The following PACS2 variants were observed in gnomAD, a reference collection of about 807,000 sequenced individuals.
PACS2 encodes PACS1-like protein.
A neutral mutation model predicts 113.0 loss-of-function variants in PACS2; 36 were observed. The observed-to-expected ratio is 0.32, with a 90% CI of 0.24 to 0.42. The LOEUF is 0.42. Ranked by LOEUF, PACS2 falls within the 10% of genes least tolerant of loss-of-function variation. The pLI is 1.00. For synonymous variants in PACS2, 589 were observed against 536.1 expected (o/e 1.10, Z -1.36); for missense variants, 1,015 against 1,239.5 (o/e 0.82, Z 2.72).
chr14:105,389,892 AGGGAGCTGT>A, intron 19 of PACS2, 60 bp from the exon 20 acceptor site: 1 of 1,408,552 alleles, frequency 7.1e-7, no homozygotes, highest in East Asian at 2.3e-5. Flanking sequence ...TCAGGCCAAG[AGGGAGCTGT>A]GCCCACCAGG....
At chr14:105,362,364 C>A (rs1218490290) in intron 4 of PACS2, among the ~76,000 whole-genome samples, 5 of 147,980 alleles carry the variant, frequency 3.4e-5, no homozygotes, top group African/African-American at 7.6e-5. Context: ...TTGCAGTGAG[C>A]CGAGATCGCG....
rs1367881574 is a variant in PACS2, at chr14:105,354,326, T to C, written c.298-726T>C. Among the ~76,000 whole-genome samples, 9 of 152,022 alleles carry C rather than the reference T, an allele frequency of 5.9e-5. No individual in the cohort carries two copies. The highest frequency in any genetic ancestry group is 2.2e-4 in the African/African-American group (9 of 41,404). On this transcript the variant is annotated intron_variant, in intron 3 of 24. Transcript: ENST00000447393. This position sits in a 1 kb window ranked among gnomAD's most constrained non-coding sequence, Gnocchi z 4.2. ...CATGTTGGCTAGGGTGGTCTCGAAC[T>C]CCCTACCTCAGGTGATCCGCCCAGC...
chr14:105,382,109 T>C, intron 13 of PACS2, 51 bp downstream of exon 13: 1 of 1,516,076 alleles, frequency 6.6e-7, no homozygotes, highest in South Asian at 1.3e-5. Flanking sequence ...GTGGTCACCC[T>C]GGCACCAACC....
upstream of PACS2, among the ~76,000 whole-genome samples, chr14:105,313,058 C>T (rs978724746): frequency 1.3e-5 from 2 of 152,200 alleles, no homozygotes; most frequent in Admixed American, 1.3e-4. Flanking sequence ...AGGGGCACCG[C>T]TCAATGGTGG....
chr14:105,353,341 C>T (rs1479455201), intron 3 of PACS2, among the ~76,000 whole-genome samples: 6 of 123,728 alleles, frequency 4.8e-5, no homozygotes, highest in African/African-American at 1.3e-4. Context: ...CCTGGGGAGA[C>T]GGGCGCCCTC....
In PACS2 at chr14:105,381,100, G is replaced by A; in HGVS notation, c.1268+1G>A. 6.2e-7 allele frequency: 1 copy of A among 1,610,924 alleles called. No individual in the cohort carries two copies. The highest frequency in any genetic ancestry group is 8.5e-7 in the Non-Finnish European group (1 of 1,178,898). On this transcript the variant is annotated splice_donor_variant, in intron 12 of 24. Transcript: ENST00000447393. LOFTEE classifies it high-confidence loss of function. ...AGTCCCTTGTCATCCCCTCCACCAG[G>A]TGATGGGGGCTGCACGGCGGGGCGG...
At chr14:105,364,975 G>C (rs1313085065) in intron 4 of PACS2, among the ~76,000 whole-genome samples, 3 of 152,220 alleles carry the variant, frequency 2.0e-5, no homozygotes, top group Non-Finnish European at 4.4e-5. Context: ...TAGGATTACA[G>C]GCGTGAACCA....
At chr14:105,369,817 G>T in intron 7 of PACS2, 24 bp from the exon 8 acceptor site, 1 of 1,556,526 alleles carries the variant, frequency 6.4e-7, no homozygotes, top group South Asian at 1.2e-5. Flanking sequence ...CGGCGGCTCT[G>T]ACTCTGCACC....
intron 1 of PACS2, among the ~76,000 whole-genome samples, chr14:105,345,465 A>G (rs148603335): frequency 6.6e-6 from 1 of 152,340 alleles, no homozygotes; most frequent in African/African-American, 2.4e-5. Flanking sequence ...CTTTTCTGAC[A>G]TAAGCACTTA....
upstream of PACS2, among the ~76,000 whole-genome samples, chr14:105,310,131 T>A (rs1595525262): frequency 2.0e-5 from 3 of 152,100 alleles, no homozygotes; most frequent in South Asian, 6.2e-4. Flanking sequence ...GTGACAACTG[T>A]CTCACTTATT....
intron 5 of PACS2, among the ~76,000 whole-genome samples, chr14:105,367,714 C>T (rs1414764873): frequency 6.6e-6 from 1 of 152,264 alleles, no homozygotes; most frequent in African/African-American, 2.4e-5. Context: ...CTGCCGCCAC[C>T]CCAGTGGGGT....
rs73357401 is a variant in PACS2 at position 105,317,290 on chromosome 14, C to T, written c.119+2253C>T. 9.5e-3 allele frequency among the ~76,000 whole-genome samples: 1,442 copies of T among 152,186 alleles called. 27 individuals are homozygous for T. The highest frequency in any genetic ancestry group is 0.033 in the African/African-American group (1,375 of 41,510). ...ACAAGCCCCGTGCTGCTGTGGACAT[C>T]GTGTGCCAGTCTTCTGCGTGTGTCT... On this transcript the variant is annotated intron_variant, in intron 1 of 24. Transcript: ENST00000447393. The surrounding 1 kb of genome is among the most constrained non-coding windows in gnomAD (Gnocchi z 4.2).
intron 1 of PACS2, among the ~76,000 whole-genome samples, chr14:105,321,256 G>T (rs191881756): frequency 3.9e-4 from 60 of 152,326 alleles, no homozygotes; most frequent in Admixed American, 1.6e-3. Context: ...GTTTACTGTG[G>T]TCTTCAAGTC....
chr14:105,333,850 G>A (rs957369881), intron 1 of PACS2, among the ~76,000 whole-genome samples: 4 of 152,230 alleles, frequency 2.6e-5, no homozygotes, highest in Non-Finnish European at 5.9e-5. Context: ...TGCAGTGTGA[G>A]GCGTGGCCCA....
chr14:105,345,279 C>T (rs587640742), intron 1 of PACS2, among the ~76,000 whole-genome samples: 129 of 151,802 alleles, frequency 8.5e-4, no homozygotes, highest in African/African-American at 3.0e-3. Flanking sequence ...TGATGTCGGG[C>T]GCCTGTAGTC....
intron 1 of PACS2, among the ~76,000 whole-genome samples, chr14:105,320,085 C>T (rs2058831882): frequency 6.6e-6 from 1 of 152,002 alleles, no homozygotes; most frequent in South Asian, 2.1e-4. Context: ...TCAAGCAATT[C>T]CCCTGCCTCA....
At chr14:105,359,151 C>G (rs1395985775) in intron 4 of PACS2, among the ~76,000 whole-genome samples, 3 of 152,188 alleles carry the variant, frequency 2.0e-5, no homozygotes, top group African/African-American at 7.2e-5. Context: ...CACCCCTACG[C>G]GGCGGTGCGT....
rs782362449 is a variant in PACS2, at chr14:105,352,478, C to G, written c.297+11C>G. On this transcript the variant is annotated intron_variant, in intron 3 of 24. Coordinates refer to ENST00000447393, the MANE Select transcript of PACS2 (RefSeq NM_001100913.3). ...ACCTTCTCCTTGCAGGTGAGTCTTT[C>G]ACCAGTGGTGACGACACCCTCATCA... The G allele has an allele frequency of 1.3e-6, 2 of 1,562,380 alleles. No homozygotes were observed. The highest frequency in any genetic ancestry group is 1.8e-6 in the Non-Finnish European group (2 of 1,133,526).
At chr14:105,321,286 C>T (rs1311205345) in intron 1 of PACS2, among the ~76,000 whole-genome samples, 1 of 152,122 alleles carries the variant, frequency 6.6e-6, no homozygotes, top group Non-Finnish European at 1.5e-5. Flanking sequence ...TTTTTGTCTA[C>T]TAGAAATGTA....
Sources: allele counts gnomAD v4.1 joint callset (sites outside exome capture counted in the v4.1 genomes callset), GRCh38; gene constraint gnomAD v4.1.1; non-coding constraint Gnocchi (gnomAD v3.1); transcripts MANE v1.5; gene names NCBI Gene and HGNC (gene_info 2026-07-23, HGNC 2026-07-21).